WWOX: variants seen among roughly 807,000 people sequenced by gnomAD.
WWOX encodes WW domain containing oxidoreductase, also known as WW domain-containing oxidoreductase.
WWOX carries 69 observed loss-of-function variants against 46.2 expected under a neutral mutation model. The observed-to-expected ratio is 1.49, with a 90% CI of 1.23 to 1.82. The LOEUF is 1.82. Among genes scored for constraint, WWOX ranks in the 40% most tolerant of loss-of-function variants. The pLI is 0.00. For synonymous variants in WWOX, 359 were observed against 202.6 expected, an observed-to-expected ratio of 1.77 and a Z score of -6.56; for missense variants, 919 against 542.6, an observed-to-expected ratio of 1.69 and a Z score of -6.89.
chr16:78,659,146 A>T (rs938326576), intron 8 of WWOX, among the ~76,000 whole-genome samples: 2 of 151,874 alleles, frequency 1.3e-5, no homozygotes, highest in African/African-American at 2.4e-5. Context: ...TGGTGCACAC[A>T]TAAATTTGGA....
chr16:78,416,267 G>C (rs1406740202), intron 6 of WWOX, among the ~76,000 whole-genome samples: 1 of 152,130 alleles, frequency 6.6e-6, no homozygotes, highest in African/African-American at 2.4e-5. Flanking sequence ...ATGGCTTTTA[G>C]TCAAAACTGA....
At chr16:78,615,552 A>C (rs1451478496) in intron 8 of WWOX, among the ~76,000 whole-genome samples, 1 of 151,836 alleles carries the variant, frequency 6.6e-6, no homozygotes, top group Non-Finnish European at 1.5e-5. Context: ...GGACTACTAG[A>C]AAGGTAAGGC....
At chr16:78,696,270 G>A (rs750016835) in intron 8 of WWOX, among the ~76,000 whole-genome samples, 24 of 152,192 alleles carry the variant, frequency 1.6e-4, no homozygotes, top group Admixed American at 1.0e-3. Context: ...GCCACATCAC[G>A]GGATTTTCTA....
At chr16:79,150,301 C>A (rs1334379930) in intron 8 of WWOX, among the ~76,000 whole-genome samples, 1 of 152,178 alleles carries the variant, frequency 6.6e-6, no homozygotes, top group African/African-American at 2.4e-5. Flanking sequence ...TCACACTAAA[C>A]AAGGGATTTC....
At chr16:78,665,195 T>C (rs1430597273) in intron 8 of WWOX, among the ~76,000 whole-genome samples, 1 of 152,078 alleles carries the variant, frequency 6.6e-6, no homozygotes, top group African/African-American at 2.4e-5. Flanking sequence ...GGGCAACAGA[T>C]TTCCAAGTTG....
At chr16:78,483,554 C>G (rs2084550728) in intron 8 of WWOX, among the ~76,000 whole-genome samples, 1 of 151,920 alleles carries the variant, frequency 6.6e-6, no homozygotes, top group Admixed American at 6.6e-5. Context: ...CCGGCCTTTC[C>G]CAGTGGTGCT....
At chr16:78,970,935 C>G (rs1284954812) in intron 8 of WWOX, among the ~76,000 whole-genome samples, 1 of 152,108 alleles carries the variant, frequency 6.6e-6, no homozygotes, top group African/African-American at 2.4e-5. Context: ...CTCTGTTTTG[C>G]TTACTTCTGC....
chr16:78,253,612 A>C (rs2038042744), intron 5 of WWOX, among the ~76,000 whole-genome samples: 1 of 152,214 alleles, frequency 6.6e-6, no homozygotes, highest in African/African-American at 2.4e-5. Flanking sequence ...AAACCTGTTC[A>C]AACAGTATTG....
At chr16:78,337,927 G>A (rs896951361) in intron 5 of WWOX, among the ~76,000 whole-genome samples, 2 of 120,280 alleles carry the variant, frequency 1.7e-5, no homozygotes, top group African/African-American at 2.8e-5. Flanking sequence ...TGCTAACCTC[G>A]TGTCTCTTGC....
At chr16:78,399,278 A>C (rs1232313685) in intron 6 of WWOX, among the ~76,000 whole-genome samples, 2 of 152,226 alleles carry the variant, frequency 1.3e-5, no homozygotes, top group African/African-American at 2.4e-5. Context: ...TAGAATCTTG[A>C]GTTGATACCT....
At chr16:78,817,823 C>G (rs1030700394) in intron 8 of WWOX, among the ~76,000 whole-genome samples, 16 of 152,120 alleles carry the variant, frequency 1.1e-4, no homozygotes, top group African/African-American at 3.9e-4. Flanking sequence ...TCCAGTCACC[C>G]CAGTGAAAAG....
At chr16:78,785,905 T>C (rs2050444289) in intron 8 of WWOX, among the ~76,000 whole-genome samples, 1 of 152,176 alleles carries the variant, frequency 6.6e-6, no homozygotes, top group Admixed American at 6.5e-5. Flanking sequence ...ATATTTCTTT[T>C]TTATTTTATT....
At chr16:78,996,392 T>A in intron 8 of WWOX, 1 of 739,978 alleles carries the variant, frequency 1.4e-6, no homozygotes. Flanking sequence ...GCCCCCCAGC[T>A]TCCCCACCTG....
chr16:79,163,824 G>T (rs1051559604), intron 8 of WWOX, among the ~76,000 whole-genome samples: 1 of 133,744 alleles, frequency 7.5e-6, no homozygotes, highest in South Asian at 2.5e-4. Context: ...AAAAGAGAGA[G>T]AGAATAAGGT....
intron 8 of WWOX, among the ~76,000 whole-genome samples, chr16:79,155,702 C>G (rs1239457316): frequency 1.3e-5 from 2 of 152,070 alleles, no homozygotes; most frequent in Non-Finnish European, 2.9e-5. Context: ...AGGGAGGGGC[C>G]TCAATTCTAC....
chr16:78,753,426 C>T (rs967629926), intron 8 of WWOX, among the ~76,000 whole-genome samples: 1 of 152,238 alleles, frequency 6.6e-6, no homozygotes, highest in African/African-American at 2.4e-5. Context: ...GGACCAGTCA[C>T]CCCTGTGTCT....
chr16:78,396,320 T>A (rs1402718728), intron 6 of WWOX, among the ~76,000 whole-genome samples: 3 of 151,956 alleles, frequency 2.0e-5, no homozygotes, highest in African/African-American at 7.3e-5. Context: ...AAAAAGTTAG[T>A]GAGCCTTTTT....
intron 5 of WWOX, among the ~76,000 whole-genome samples, chr16:78,364,516 T>G (rs949351434): frequency 6.6e-6 from 1 of 152,016 alleles, no homozygotes; most frequent in African/African-American, 2.4e-5. Flanking sequence ...TAATTTTGTT[T>G]TCTCCCTGCA....
chr16:79,198,237 C>A (rs1375192063), intron 8 of WWOX, among the ~76,000 whole-genome samples: 1 of 151,884 alleles, frequency 6.6e-6, no homozygotes, highest in Non-Finnish European at 1.5e-5. Context: ...ACTCGGGAGG[C>A]TGAGGCAGGA....
Sources: gnomAD v4.1 joint callset for allele counts (sites outside exome capture counted in the v4.1 genomes callset) on GRCh38, gnomAD v4.1.1 for gene constraint, MANE v1.5 for transcripts, NCBI Gene and HGNC (gene_info 2026-07-23, HGNC 2026-07-21) for gene names.